Variants in APLP2 observed in about 807,000 individuals in gnomAD.
The protein encoded by APLP2 is amyloid beta precursor like protein 2.
APLP2 carries 53 observed loss-of-function variants against 89.9 expected under a neutral mutation model. The ratio of observed to expected loss-of-function variants is 0.59; its 90% CI spans 0.47 to 0.74. The LOEUF is 0.74. APLP2 is among the 30% of genes least tolerant of loss of function. The pLI is 0.00. For missense variants in APLP2, 973 were observed against 975.9 expected, an observed-to-expected ratio of 1.00 and a Z score of 0.04; for synonymous variants, 372 against 348.6, an observed-to-expected ratio of 1.07 and a Z score of -0.75.
At chr11:130,078,276 T>C (rs1300399618) in intron 1 of APLP2, among the ~76,000 whole-genome samples, 1 of 152,118 alleles carries the variant, frequency 6.6e-6, no homozygotes, top group East Asian at 1.9e-4. Context: ...TGAGTGTAGC[T>C]GTGGCTCACT....
rs960029278 is a variant in APLP2 at position 130,143,516 on chromosome 11, G to C, written c.*68G>C. 5.1e-6 allele frequency: 7 copies of C among 1,377,144 alleles called. No homozygotes were observed. In the South Asian group the frequency reaches 8.1e-5, roughly 16 times the overall value. 85.3% of individuals were successfully genotyped at this position (1,377,144 alleles called of 1,614,324 possible). A position where few individuals can be genotyped will look rare whatever the true frequency, so the allele number is the denominator to read the frequency against. ...GCCGGAAGATCCCACGATTCCGATC[G>C]ACTGCCAAGCAGCAGCCGCTGCCAG... On this transcript the variant is annotated 3_prime_UTR_variant, in exon 17 of 17. Transcript: ENST00000338167.
rs142219967 is a variant in APLP2, at chr11:130,120,944, A to G, written c.516+126A>G. The G allele has an allele frequency of 1.6e-3, 1,100 of 702,718 alleles. 3 individuals are homozygous for G. The highest frequency in any genetic ancestry group is 2.4e-3 in the Non-Finnish European group (933 of 390,966). The allele number at this position is 702,718 out of a possible 1,614,324, so 43.5% of individuals were successfully genotyped here. A position where few individuals can be genotyped will look rare whatever the true frequency, so the allele number is the denominator to read the frequency against. On this transcript the variant is annotated intron_variant, in intron 4 of 16. Coordinates refer to ENST00000338167, the MANE Select transcript of APLP2 (RefSeq NM_001142276.2). ...CCCCCATTATCTCCTTAAGGTTTAC[A>G]ATTACTTCTGTCTTATAAGTTAGAA...
chr11:130,121,060 G>A (rs139233548), intron 4 of APLP2, among the ~76,000 whole-genome samples: 289 of 152,308 alleles, frequency 1.9e-3, no homozygotes, highest in African/African-American at 6.7e-3. Context: ...GTGGCTGAGC[G>A]AGAATACTGT....
intron 1 of APLP2, among the ~76,000 whole-genome samples, chr11:130,107,562 A>G (rs971728215): frequency 7.2e-5 from 11 of 152,348 alleles, no homozygotes; most frequent in African/African-American, 2.4e-4. Context: ...ATGAAATAAA[A>G]GAGGACACAA....
At chr11:130,086,956 T>G (rs1944209013) in intron 1 of APLP2, among the ~76,000 whole-genome samples, 1 of 152,250 alleles carries the variant, frequency 6.6e-6, no homozygotes, top group Non-Finnish European at 1.5e-5. Context: ...ATATGAATTT[T>G]AAGATGGATT....
chr11:130,073,067 A>T (rs1442448396), intron 1 of APLP2, among the ~76,000 whole-genome samples: 16 of 152,192 alleles, frequency 1.1e-4, no homozygotes, highest in Non-Finnish European at 2.9e-5. Context: ...ATGCGAATTT[A>T]CTTTTAAACT....
At chr11:130,072,468 T>A (rs1941290419) in intron 1 of APLP2, among the ~76,000 whole-genome samples, 1 of 133,412 alleles carries the variant, frequency 7.5e-6, no homozygotes, top group African/African-American at 3.1e-5. Context: ...CTGATAGGAA[T>A]ATCGTCTTTT....
At chr11:130,086,276 C>T (rs1343224090) in intron 1 of APLP2, among the ~76,000 whole-genome samples, 1 of 152,222 alleles carries the variant, frequency 6.6e-6, no homozygotes, top group Non-Finnish European at 1.5e-5. Flanking sequence ...TTGCATTTCT[C>T]TAATAGCTAG....
At chr11:130,120,649 G>C in intron 3 of APLP2, 57 bp from the exon 4 acceptor site, 3 of 1,267,714 alleles carry the variant, frequency 2.4e-6, no homozygotes, top group Non-Finnish European at 3.5e-6. Flanking sequence ...TCAGTGAGGG[G>C]CATTTTCACC....
At chr11:130,117,945 C>T (rs937789953) in intron 3 of APLP2, among the ~76,000 whole-genome samples, 1 of 152,186 alleles carries the variant, frequency 6.6e-6, no homozygotes, top group African/African-American at 2.4e-5. Context: ...GGCGTGGTGG[C>T]ACGTGCCTGT....
intron 1 of APLP2, among the ~76,000 whole-genome samples, chr11:130,071,132 T>A (rs2135278094): frequency 6.6e-6 from 1 of 152,010 alleles, no homozygotes; most frequent in Non-Finnish European, 1.5e-5. Flanking sequence ...AAATTACAAC[T>A]GGTTTCTGCA....
In APLP2 at chr11:130,087,081, A is replaced by G. The variant is rs540077714; in HGVS notation, c.105+16999A>G. On this transcript the variant is annotated intron_variant, in intron 1 of 16. Transcript: ENST00000338167. ...TAACAGTATTGTCTTCTAACCCTCA[A>G]ATGCCATAGAGCTTTAAAGTTAATT... Among the ~76,000 whole-genome samples, 52 of 152,232 alleles carry G rather than the reference A, an allele frequency of 3.4e-4. 1 individual carries two copies. Among genetic ancestry groups the G allele is most frequent in the African/African-American group, 1.2e-3 (51 of 41,460 alleles).
intron 1 of APLP2, among the ~76,000 whole-genome samples, chr11:130,103,258 C>A (rs1947177586): frequency 6.6e-6 from 1 of 152,202 alleles, no homozygotes; most frequent in South Asian, 2.1e-4. Flanking sequence ...GATTAGTTGA[C>A]TCCTAAAACA....
At chr11:130,135,255 C>T (rs1951434147) in intron 12 of APLP2, among the ~76,000 whole-genome samples, 1 of 152,102 alleles carries the variant, frequency 6.6e-6, no homozygotes, top group African/African-American at 2.4e-5. Flanking sequence ...CTATGGAAAT[C>T]ATTTCATGGT....
Position 130,136,204 on chromosome 11 carries a change from C to CT in APLP2, c.1837+490dup, listed in dbSNP as rs1378994308. 2.6e-5 allele frequency among the ~76,000 whole-genome samples: 4 copies of CT among 152,234 alleles called. No homozygotes were observed. In the South Asian group the frequency reaches 6.2e-4, roughly 24 times the overall value. On this transcript the variant is annotated intron_variant, in intron 13 of 16. Coordinates refer to ENST00000338167, the MANE Select transcript of APLP2 (RefSeq NM_001142276.2). ...CTATTCCCCTGCTGGTTCTCAGTGT[C>CT]TAAGAGGATCTCTAAAAGCTGTGAG... is the stretch of plus-strand genomic sequence containing the variant.
At chr11:130,109,837 G>C in intron 2 of APLP2, 1 of 423,414 alleles carries the variant, frequency 2.4e-6, no homozygotes. Context: ...CAGAAGCCTG[G>C]CAAGTGCCAT....
intron 3 of APLP2, among the ~76,000 whole-genome samples, chr11:130,120,156 G>C (rs1949658403): frequency 6.6e-6 from 1 of 152,288 alleles, no homozygotes; most frequent in East Asian, 1.9e-4. Context: ...GTTATCAGTG[G>C]TGTTAAATTG....
In APLP2 at chr11:130,143,369, A is replaced by G. The variant is rs772195248; in HGVS notation, c.2177A>G (p.Glu726Gly). Residue 726 changes from glutamate to glycine, a missense_variant, in exon 17 of 17, where the codon GAA becomes GGA. Physicochemically the swap from Glu to Gly is moderately conservative, Grantham distance 98. Coordinates refer to ENST00000338167, the MANE Select transcript of APLP2 (RefSeq NM_001142276.2). ...IVEVDPMLTP[E>G]ERHLNKMQNH... ...CAGGTTGATCCAATGCTCACCCCAG[A>G]AGAGCGTCACCTGAACAAGATGCAG... 3 of 1,614,110 alleles carry G rather than the reference A, an allele frequency of 1.9e-6. No homozygotes were observed. Among genetic ancestry groups the G allele is most frequent in the Non-Finnish European group, 2.5e-6 (3 of 1,180,022 alleles).
intron 7 of APLP2, among the ~76,000 whole-genome samples, chr11:130,124,074 C>T (rs1950127289): frequency 6.6e-6 from 1 of 152,146 alleles, no homozygotes; most frequent in Non-Finnish European, 1.5e-5. Flanking sequence ...TCTTTCTTGT[C>T]TGGCTTTGGA....
Sources: gnomAD v4.1 joint callset for allele counts (sites outside exome capture counted in the v4.1 genomes callset) on GRCh38, gnomAD v4.1.1 for gene constraint, MANE v1.5 for transcripts, NCBI Gene and HGNC (gene_info 2026-07-23, HGNC 2026-07-21) for gene names.